Variants in NRCAM observed in about 807,000 individuals in gnomAD.
NRCAM encodes NgCAM-related cell adhesion molecule.
Under a neutral mutation model 156.5 loss-of-function variants are expected in NRCAM, and 83 were observed. That is an observed-to-expected ratio of 0.53 (90% CI 0.44 to 0.64). The LOEUF is 0.64. Ranked by LOEUF, NRCAM falls within the 30% of genes least tolerant of loss-of-function variation. The pLI is 0.00. For synonymous variants in NRCAM, 538 were observed against 563.9 expected (o/e 0.95, Z 0.65); for missense variants, 1,417 against 1,597.3 (o/e 0.89, Z 1.92).
At chr7:108,441,015 T>A (rs1194823982) in intron 1 of NRCAM, among the ~76,000 whole-genome samples, 3 of 152,332 alleles carry the variant, frequency 2.0e-5, no homozygotes, top group East Asian at 1.9e-4. Flanking sequence ...GGATGCCCGT[T>A]AATGTCAACT....
At chr7:108,314,325 T>A (rs978864577) in intron 2 of NRCAM, among the ~76,000 whole-genome samples, 13 of 152,164 alleles carry the variant, frequency 8.5e-5, no homozygotes, top group Non-Finnish European at 1.9e-4. Context: ...TGGCCTTTCA[T>A]TACCCCAAAA....
chr7:108,424,919 T>C (rs1815111949), intron 1 of NRCAM, among the ~76,000 whole-genome samples: 1 of 152,300 alleles, frequency 6.6e-6, no homozygotes, highest in Non-Finnish European at 1.5e-5. Flanking sequence ...CACTTACTTC[T>C]GAAAGAATTA....
intron 13 of NRCAM, among the ~76,000 whole-genome samples, chr7:108,199,786 T>C (rs1049845362): frequency 3.3e-5 from 5 of 152,190 alleles, no homozygotes; most frequent in Non-Finnish European, 7.3e-5. Flanking sequence ...AAATTCCCTT[T>C]TGCCATGTAA....
intron 15 of NRCAM, 29 bp from the exon 16 acceptor site, chr7:108,194,457 A>T: frequency 6.8e-7 from 1 of 1,466,986 alleles, no homozygotes; most frequent in Non-Finnish European, 9.3e-7. Flanking sequence ...CACAATGAGA[A>T]TAAAAACACA....
In NRCAM at chr7:108,242,258, C is replaced by CAAAAAA. The variant is rs11413420; in HGVS notation, c.-106-2094_-106-2089dup. Among the ~76,000 whole-genome samples the CAAAAAA allele has an allele frequency of 5.5e-4, 54 of 98,360 alleles. 1 individual carries two copies. The highest frequency in any genetic ancestry group is 1.8e-3 in the African/African-American group (44 of 24,120). 64.5% of individuals were successfully genotyped at this position (98,360 alleles called of 152,430 possible). A position where few individuals can be genotyped will look rare whatever the true frequency, so the allele number is the denominator to read the frequency against. On this transcript the variant is annotated intron_variant, in intron 3 of 32. Coordinates refer to ENST00000379028, the MANE Select transcript of NRCAM (RefSeq NM_001037132.4). The stretch of plus-strand genomic sequence containing the variant: ...TGGGTGACAGAGCAAGACCCCGTCT[C>CAAAAAA]AAAAAAAAAAAAAAAAAAAAGAATG...
chr7:108,229,413 C>T (rs2093988720), intron 8 of NRCAM, among the ~76,000 whole-genome samples: 1 of 152,176 alleles, frequency 6.6e-6, no homozygotes, highest in East Asian at 1.9e-4. Context: ...CAGTGTCAGC[C>T]ACCCTGCCTG....
At chr7:108,356,404 T>C (rs905674187) in intron 2 of NRCAM, among the ~76,000 whole-genome samples, 17 of 152,310 alleles carry the variant, frequency 1.1e-4, no homozygotes, top group Non-Finnish European at 2.2e-4. Context: ...ACAGTGTATA[T>C]AGGGTTCAGT....
At chr7:108,205,789 C>T (rs1267730770) in intron 13 of NRCAM, among the ~76,000 whole-genome samples, 1 of 152,080 alleles carries the variant, frequency 6.6e-6, no homozygotes, top group Non-Finnish European at 1.5e-5. Context: ...GGATTTTGCC[C>T]TGTTGCCCAG....
intron 2 of NRCAM, among the ~76,000 whole-genome samples, chr7:108,396,586 A>T (rs1265217212): frequency 1.3e-5 from 2 of 152,278 alleles, no homozygotes; most frequent in African/African-American, 4.8e-5. Flanking sequence ...AAAGATTTCT[A>T]ATGTTCCCAA....
intron 15 of NRCAM, among the ~76,000 whole-genome samples, chr7:108,195,058 T>C (rs975294509): frequency 1.0e-4 from 12 of 117,944 alleles, no homozygotes; most frequent in Admixed American, 3.2e-4. Flanking sequence ...GAACAAATTC[T>C]GCTTTGGAGC....
intron 1 of NRCAM, among the ~76,000 whole-genome samples, chr7:108,432,400 A>G (rs1387839634): frequency 6.6e-6 from 1 of 152,242 alleles, no homozygotes; most frequent in Non-Finnish European, 1.5e-5. Context: ...TTTCTACGAA[A>G]CAGTAAGCAG....
chr7:108,407,677 C>T (rs1387336332), intron 1 of NRCAM, among the ~76,000 whole-genome samples: 1 of 152,194 alleles, frequency 6.6e-6, no homozygotes, highest in East Asian at 1.9e-4. Context: ...GCTTACCCAG[C>T]TCATGATTTT....
intron 3 of NRCAM, among the ~76,000 whole-genome samples, chr7:108,255,614 T>C (rs1462599905): frequency 4.7e-5 from 7 of 150,284 alleles, no homozygotes; most frequent in Admixed American, 1.3e-4. Flanking sequence ...GGAGCGTCTC[T>C]GCCTGGCTGC....
intron 8 of NRCAM, among the ~76,000 whole-genome samples, chr7:108,228,465 G>A (rs957547991): frequency 1.3e-5 from 2 of 152,080 alleles, no homozygotes; most frequent in African/African-American, 4.8e-5. Context: ...AATGTTAGGC[G>A]ATGGGACTTC....
rs907867589 is a variant in NRCAM, at chr7:108,243,673, G to C, written c.-106-3503C>G. On this transcript the variant is annotated intron_variant, in intron 3 of 32. Coordinates refer to ENST00000379028, the MANE Select transcript of NRCAM (RefSeq NM_001037132.4). ...CAGATATTTTAAAGCAGGATTGAATGAGATAAATGGTAGATTCGTCTTCTG... is the reference window on the plus strand; with the variant it reads ...CAGATATTTTAAAGCAGGATTGAATCAGATAAATGGTAGATTCGTCTTCTG... 2.6e-5 allele frequency among the ~76,000 whole-genome samples: 4 copies of C among 152,296 alleles called. No individual in the cohort carries two copies. The South Asian group carries it at 8.3e-4, about 32-fold the overall frequency.
At position 108,182,675 on chromosome 7, in the gene NRCAM, T is replaced by C. The variant is rs749551614; in HGVS notation, c.2530+20A>G. 2 of 1,605,976 alleles carry C rather than the reference T, an allele frequency of 1.2e-6. No individual in the cohort carries two copies. Among genetic ancestry groups the C allele is most frequent in the African/African-American group, 1.3e-5 (1 of 74,908 alleles). On this transcript the variant is annotated intron_variant, in intron 23 of 32. Coordinates refer to ENST00000379028, the MANE Select transcript of NRCAM (RefSeq NM_001037132.4). ...GTAAGTCTGTTTTGCTGGGGAAAAG[T>C]AGGAAATGGCATCACTTACGGTCTT...
chr7:108,299,152 A>AG (rs1168772759), intron 3 of NRCAM, among the ~76,000 whole-genome samples: 5 of 140,158 alleles, frequency 3.6e-5, no homozygotes, highest in African/African-American at 1.3e-4. Context: ...AGAAAAGTAA[A>AG]AAAAAAAAAA....
chr7:108,270,356 G>C (rs534866580), intron 3 of NRCAM, among the ~76,000 whole-genome samples: 1 of 152,284 alleles, frequency 6.6e-6, no homozygotes, highest in Admixed American at 6.5e-5. Flanking sequence ...CCCCTTCAAG[G>C]TTCCCTTCTT....
intron 3 of NRCAM, among the ~76,000 whole-genome samples, chr7:108,262,277 C>G (rs1489409339): frequency 6.6e-6 from 1 of 152,094 alleles, no homozygotes; most frequent in Admixed American, 6.5e-5. Flanking sequence ...CCTTGATGCA[C>G]CCACCACCTC....
Sources: gnomAD v4.1 joint callset for allele counts (sites outside exome capture counted in the v4.1 genomes callset) on GRCh38, gnomAD v4.1.1 for gene constraint, MANE v1.5 for transcripts, NCBI Gene and HGNC (gene_info 2026-07-23, HGNC 2026-07-21) for gene names.